The following CSMD1 variants were observed in gnomAD, a reference collection of about 807,000 sequenced individuals.
The protein encoded by CSMD1 is CUB and Sushi multiple domains 1.
Under a neutral mutation model 417.5 loss-of-function variants are expected in CSMD1, and 213 were observed. The observed-to-expected ratio is 0.51, with a 90% CI of 0.46 to 0.57. CSMD1 has a LOEUF of 0.57. Ranked by LOEUF, CSMD1 falls within the 20% of genes least tolerant of loss-of-function variation. The pLI, the probability that CSMD1 is intolerant of heterozygous loss-of-function variation, is 0.00. For missense variants in CSMD1, 6,923 were observed against 4,529.7 expected, an observed-to-expected ratio of 1.53 and a Z score of -15.17; for synonymous variants, 2,862 against 1,736.8, an observed-to-expected ratio of 1.65 and a Z score of -16.11.
At chr8:3,701,934 T>C (rs1424307777) in intron 7 of CSMD1, among the ~76,000 whole-genome samples, 1 of 152,124 alleles carries the variant, frequency 6.6e-6, no homozygotes, top group Non-Finnish European at 1.5e-5. Flanking sequence ...ACTGTCTCTT[T>C]GGAAACTAGG....
At chr8:3,502,300 G>A (rs1303229731) in intron 10 of CSMD1, among the ~76,000 whole-genome samples, 1 of 148,402 alleles carries the variant, frequency 6.7e-6, no homozygotes, top group African/African-American at 2.5e-5. Flanking sequence ...AGGAGGAGGA[G>A]CTTGCAGTGA....
At chr8:4,071,753 G>A (rs564533816) in intron 3 of CSMD1, among the ~76,000 whole-genome samples, 52 of 152,110 alleles carry the variant, frequency 3.4e-4, no homozygotes, top group African/African-American at 1.1e-3. Context: ...TATTTATTTC[G>A]TCTTTGGGGT....
intron 3 of CSMD1, among the ~76,000 whole-genome samples, chr8:4,168,381 T>C (rs953660763): frequency 6.6e-6 from 1 of 151,922 alleles, no homozygotes; most frequent in Non-Finnish European, 1.5e-5. Flanking sequence ...GGTGACAGAG[T>C]GAGACCCTTA....
At chr8:3,981,568 C>G (rs976604969) in intron 5 of CSMD1, among the ~76,000 whole-genome samples, 11 of 148,828 alleles carry the variant, frequency 7.4e-5, no homozygotes, top group African/African-American at 2.7e-4. Context: ...ACACCGTGTT[C>G]CATCACATCA....
At chr8:3,191,335 A>T in intron 33 of CSMD1, among the ~76,000 whole-genome samples, 1 of 152,186 alleles carries the variant, frequency 6.6e-6, no homozygotes, top group East Asian at 1.9e-4. Flanking sequence ...ACATGTCTGT[A>T]ATCCCAGCTG....
At chr8:4,190,055 G>C (rs4086675) in intron 3 of CSMD1, among the ~76,000 whole-genome samples, 1 of 151,416 alleles carries the variant, frequency 6.6e-6, no homozygotes, top group Non-Finnish European at 1.5e-5. Flanking sequence ...TCAGGAGATC[G>C]AGACCATCCT....
chr8:3,931,852 G>C (rs565594357), intron 5 of CSMD1, among the ~76,000 whole-genome samples: 2 of 147,360 alleles, frequency 1.4e-5, no homozygotes, highest in South Asian at 4.5e-4. Flanking sequence ...TTAAGGCAGA[G>C]TTGCAAAGGG....
At chr8:4,308,091 G>A (rs1240062833) in intron 3 of CSMD1, among the ~76,000 whole-genome samples, 4 of 152,178 alleles carry the variant, frequency 2.6e-5, no homozygotes, top group East Asian at 3.9e-4. Flanking sequence ...TATTCGAACA[G>A]TGGCAGAAGT....
At chr8:3,631,267 C>G (rs939308096) in intron 7 of CSMD1, among the ~76,000 whole-genome samples, 1 of 152,236 alleles carries the variant, frequency 6.6e-6, no homozygotes, top group African/African-American at 2.4e-5. Context: ...ACTCAGCACC[C>G]TTCCAACTAT....
chr8:3,717,844 A>T (rs78626345), intron 6 of CSMD1, among the ~76,000 whole-genome samples: 3,082 of 152,214 alleles, frequency 0.02, 91 homozygotes, highest in African/African-American at 0.07. Context: ...TTTCTCACTT[A>T]CTACAATTGT....
At chr8:3,354,580 ACG>A in intron 21 of CSMD1, among the ~76,000 whole-genome samples, 1 of 152,118 alleles carries the variant, frequency 6.6e-6, no homozygotes, top group Non-Finnish European at 1.5e-5. Flanking sequence ...ATATTTACTC[ACG>A]AAGAATATTT....
chr8:3,308,540 A>C lies in CSMD1; in HGVS notation c.3632-37T>G, dbSNP rs938186411. ...AAAGGCAAGGAATGAACAGAACTCA[A>C]GGGTGGACATCTGCCTTAAAACAGA... On this transcript the variant is annotated intron_variant, in intron 23 of 69. Transcript: ENST00000635120. The C allele has an allele frequency of 5.2e-6, 8 of 1,542,892 alleles. No homozygotes were observed. In the East Asian group the frequency reaches 1.8e-4, roughly 35 times the overall value.
At chr8:3,733,750 C>A (rs140919378) in intron 6 of CSMD1, among the ~76,000 whole-genome samples, 30 of 152,056 alleles carry the variant, frequency 2.0e-4, no homozygotes, top group Non-Finnish European at 3.4e-4. Context: ...GTTCAAGTAA[C>A]CCTTATTTTA....
At chr8:3,619,622 C>T (rs1340783066) in intron 7 of CSMD1, among the ~76,000 whole-genome samples, 2 of 152,048 alleles carry the variant, frequency 1.3e-5, no homozygotes, top group African/African-American at 2.4e-5. Context: ...GTAGGATAAA[C>T]ATCAAGAGAT....
At chr8:4,534,294 G>T (rs752316332) in intron 2 of CSMD1, among the ~76,000 whole-genome samples, 7 of 152,158 alleles carry the variant, frequency 4.6e-5, no homozygotes, top group African/African-American at 9.7e-5. Flanking sequence ...AGGCCAGCCC[G>T]ACTCATATGG....
At chr8:4,287,591 C>T (rs111622233) in intron 3 of CSMD1, among the ~76,000 whole-genome samples, 4,354 of 151,978 alleles carry the variant, frequency 0.029, 216 homozygotes, top group African/African-American at 0.099. Flanking sequence ...TATTACCTTC[C>T]AGGGACCAGG....
Position 3,617,527 on chromosome 8 carries a change from T to C in CSMD1, c.1010-730A>G, listed in dbSNP as rs113794391. On this transcript the variant is annotated intron_variant, in intron 7 of 69. Coordinates refer to ENST00000635120, the MANE Select transcript of CSMD1 (RefSeq NM_033225.6). Reference sequence around the variant, plus strand: ...GGGCTTGGGACCCAATTCAGTATAATGAGATGTGAGGGGAAGTCCACAGGA... The same window carrying C: ...GGGCTTGGGACCCAATTCAGTATAACGAGATGTGAGGGGAAGTCCACAGGA... Among the ~76,000 whole-genome samples the C allele has an allele frequency of 4.6e-3, 696 of 152,208 alleles. 5 individuals carry two copies. Among genetic ancestry groups the C allele is most frequent in the African/African-American group, 0.016 (667 of 41,536 alleles).
chr8:3,839,826 C>G (rs941806039), intron 5 of CSMD1, among the ~76,000 whole-genome samples: 2 of 151,756 alleles, frequency 1.3e-5, no homozygotes, highest in South Asian at 2.1e-4. Context: ...AAGTGCACAG[C>G]TAAATGGAGG....
At chr8:4,792,545 C>T (rs767464240) in intron 1 of CSMD1, among the ~76,000 whole-genome samples, 1 of 152,188 alleles carries the variant, frequency 6.6e-6, no homozygotes, top group Non-Finnish European at 1.5e-5. Context: ...CGCACCCATT[C>T]AGCCATACAC....
Sources: allele counts gnomAD v4.1 joint callset (sites outside exome capture counted in the v4.1 genomes callset), GRCh38; gene constraint gnomAD v4.1.1; transcripts MANE v1.5; gene names NCBI Gene and HGNC (gene_info 2026-07-23, HGNC 2026-07-21).